Variants in MAPK14 observed in about 807,000 individuals in gnomAD.
MAPK14 encodes mitogen-activated protein kinase 14.
In MAPK14, 16 loss-of-function variants were observed where a neutral mutation model predicts 49.6. The observed-to-expected ratio is 0.32, with a 90% confidence interval of 0.22 to 0.49. The LOEUF (loss-of-function observed/expected upper bound fraction) is 0.49. Among genes scored for constraint, MAPK14 ranks in the 20% least tolerant of loss-of-function variants. MAPK14 has a pLI of 0.99. For missense variants in MAPK14, 200 were observed against 441.2 expected, an observed-to-expected ratio of 0.45 and a Z score of 4.90; for synonymous variants, 142 against 158.0, an observed-to-expected ratio of 0.90 and a Z score of 0.76.
In MAPK14 at chr6:36,073,747, A is replaced by AT. The variant is rs768859922; in HGVS notation, c.447+31dup. ...TATGTATTGTGACTTTGATTACATT[A>AT]TTTTGGGGAAGTGGGGTGAGAGTGG... On this transcript the variant is annotated intron_variant, in intron 5 of 11. Coordinates refer to ENST00000229794, the MANE Select transcript of MAPK14 (RefSeq NM_139012.3). 12 of 1,606,362 alleles carry AT rather than the reference A, an allele frequency of 7.5e-6. No homozygotes were observed. In the East Asian group the frequency reaches 1.1e-4, roughly 15 times the overall value.
At chr6:36,116,988 A>C in the MAPK14 span, among the ~76,000 whole-genome samples, 19,177 of 152,170 alleles carry the variant, frequency 0.13, 1,240 homozygotes, top group African/African-American at 0.16. Context: ...GTGTTAGACA[A>C]TCCTCTTTTG....
rs1763110825 is a variant in MAPK14, at chr6:36,044,875, T to A, written c.117-7824T>A. Among the ~76,000 whole-genome samples, 4 of 152,334 alleles carry A rather than the reference T, an allele frequency of 2.6e-5. 1 individual carries two copies. The South Asian group carries it at 8.3e-4, about 32-fold the overall frequency. ...GGCCAGGTATGGTGGCTCATGCCTG[T>A]AACCCCTGTACTTATTGGGAGTCCA... On this transcript the variant is annotated intron_variant, in intron 1 of 11. Transcript: ENST00000229794.
intron 1 of MAPK14, among the ~76,000 whole-genome samples, chr6:36,032,081 C>T (rs1376868244): frequency 6.6e-6 from 1 of 151,860 alleles, no homozygotes; most frequent in African/African-American, 2.4e-5. Flanking sequence ...CACACCCAGC[C>T]CCTGAATTTT....
downstream of MAPK14, among the ~76,000 whole-genome samples, chr6:36,113,930 C>T (rs773080075): frequency 1.5e-4 from 23 of 152,202 alleles, no homozygotes; most frequent in African/African-American, 4.8e-4. Flanking sequence ...TACTTTGTAG[C>T]GGCATTCTCC....
At chr6:36,043,084 A>C (rs1347713790) in intron 1 of MAPK14, among the ~76,000 whole-genome samples, 1 of 151,830 alleles carries the variant, frequency 6.6e-6, no homozygotes, top group Non-Finnish European at 1.5e-5. Flanking sequence ...TGATCATGCC[A>C]CCACACTCTA....
chr6:36,033,730 TCA>T (rs1562094839), intron 1 of MAPK14, among the ~76,000 whole-genome samples: 2 of 152,242 alleles, frequency 1.3e-5, no homozygotes. Context: ...TAGCCCAGTC[TCA>T]GAGATGATGT....
downstream of MAPK14, among the ~76,000 whole-genome samples, chr6:36,113,770 A>G (rs2127480772): frequency 6.6e-6 from 1 of 152,220 alleles, no homozygotes; most frequent in South Asian, 2.1e-4. Context: ...TTTTAATGAG[A>G]AAGGTGTTTA....
chr6:36,065,507 G>GGGGTGTGTGT (rs1435565312), intron 3 of MAPK14, among the ~76,000 whole-genome samples: 15 of 122,546 alleles, frequency 1.2e-4, no homozygotes, highest in Non-Finnish European at 2.1e-4. Context: ...GGGCAGAAAA[G>GGGGTGTGTGT]GTGTGTGTGT....
At position 36,072,981 on chromosome 6, in the gene MAPK14, A is replaced by G. The variant is rs145610257; in HGVS notation, c.414A>G (p.Leu138=). The G allele has an allele frequency of 3.4e-4, 530 of 1,565,078 alleles. 1 individual carries two copies. The Middle Eastern group carries it at 6.2e-3, about 18-fold the overall frequency. Residue 138 remains leucine, a synonymous_variant, in exon 4 of 12, where the codon CTA becomes CTG. Transcript: ENST00000229794. ...QFLIYQILRG[L]KYIHSADIIH... Reference sequence around the variant, plus strand: ...TTATCTACCAAATTCTCCGAGGTCTAAAGGTACAGATAATACAAGTAATAA... The same window carrying G: ...TTATCTACCAAATTCTCCGAGGTCTGAAGGTACAGATAATACAAGTAATAA...
At position 36,045,830 on chromosome 6, in the gene MAPK14, A is replaced by G. The variant is rs537919598; in HGVS notation, c.117-6869A>G. ...TCTCAAAAAAAAAAAAAAAAAAAAA[A>G]AAAGAAAGAAAGGACCTCATGATAT... On this transcript the variant is annotated intron_variant, in intron 1 of 11. Coordinates refer to ENST00000229794, the MANE Select transcript of MAPK14 (RefSeq NM_139012.3). Among the ~76,000 whole-genome samples, 810 of 149,292 alleles carry G rather than the reference A, an allele frequency of 5.4e-3. 6 individuals carry two copies. Among genetic ancestry groups the G allele is most frequent in the South Asian group, 0.034 (160 of 4,714 alleles).
chr6:36,045,808 C>CAAAAAA (rs371920281), intron 1 of MAPK14, among the ~76,000 whole-genome samples: 15 of 46,366 alleles, frequency 3.2e-4, no homozygotes, highest in Admixed American at 1.7e-3. Flanking sequence ...GACTCTGTCT[C>CAAAAAA]AAAAAAAAAA....
At chr6:36,059,753 A>C (rs978299664) in intron 3 of MAPK14, among the ~76,000 whole-genome samples, 4 of 152,110 alleles carry the variant, frequency 2.6e-5, no homozygotes, top group Admixed American at 2.6e-4. Flanking sequence ...CCTGGGCTGT[A>C]GTGATCCTCC....
chr6:36,036,148 A>G (rs967659101), intron 1 of MAPK14, among the ~76,000 whole-genome samples: 1 of 151,266 alleles, frequency 6.6e-6, no homozygotes, highest in Admixed American at 6.6e-5. Context: ...AGGCAGGAGA[A>G]TTGCTTGAAC....
chr6:36,117,411 C>T, the MAPK14 span, among the ~76,000 whole-genome samples: 6 of 152,204 alleles, frequency 3.9e-5, no homozygotes, highest in African/African-American at 1.2e-4. Context: ...TCTTCCTCCT[C>T]CTCATTCCTC....
At chr6:36,094,239 T>C (rs1209134285) in intron 8 of MAPK14, among the ~76,000 whole-genome samples, 1 of 152,196 alleles carries the variant, frequency 6.6e-6, no homozygotes, top group Non-Finnish European at 1.5e-5. Context: ...TGAGTGGACT[T>C]GTTTCTAGTT....
At chr6:36,089,347 A>C (rs1299166765) in intron 8 of MAPK14, among the ~76,000 whole-genome samples, 4 of 152,168 alleles carry the variant, frequency 2.6e-5, no homozygotes, top group Non-Finnish European at 4.4e-5. Flanking sequence ...ACATGGACAC[A>C]TGGAGGAGAA....
At chr6:36,056,622 A>G (rs1353000268) in intron 2 of MAPK14, among the ~76,000 whole-genome samples, 2 of 152,238 alleles carry the variant, frequency 1.3e-5, no homozygotes, top group African/African-American at 2.4e-5. Context: ...ATTTGAAAAT[A>G]GTTTTGACTT....
intron 1 of MAPK14, among the ~76,000 whole-genome samples, chr6:36,043,943 T>C (rs1159271754): frequency 6.6e-6 from 1 of 151,494 alleles, no homozygotes; most frequent in Non-Finnish European, 1.5e-5. Context: ...CCCAAGTAGC[T>C]GAGATTATAG....
chr6:36,041,043 G>A (rs1371747068), intron 1 of MAPK14, among the ~76,000 whole-genome samples: 1 of 152,164 alleles, frequency 6.6e-6, no homozygotes, highest in South Asian at 2.1e-4. Context: ...CAGTAACTCA[G>A]GAAGATCAGC....
Sources: allele counts gnomAD v4.1 joint callset (sites outside exome capture counted in the v4.1 genomes callset), GRCh38; gene constraint gnomAD v4.1.1; transcripts MANE v1.5; gene names NCBI Gene and HGNC (gene_info 2026-07-23, HGNC 2026-07-21).